The following SFPQ variants were observed in gnomAD, a reference collection of about 807,000 sequenced individuals.
SFPQ encodes the protein splicing factor, proline- and glutamine-rich.
SFPQ carries 11 observed loss-of-function variants against 72.9 expected under a neutral mutation model. The observed-to-expected ratio is 0.15, with a 90% CI of 0.09 to 0.25. SFPQ has a LOEUF of 0.25. Among genes scored for constraint, SFPQ ranks in the 10% least tolerant of loss-of-function variants. The probability of loss-of-function intolerance (pLI) is 1.00; values close to 1 mark genes in which losing one functional copy is unlikely to be tolerated. For synonymous variants in SFPQ, 506 were observed against 367.3 expected (o/e 1.38, Z -4.32); for missense variants, 847 against 993.3 (o/e 0.85, Z 1.98).
chr1:35,184,135 T>C lies in SFPQ; in HGVS notation c.*321A>G, dbSNP rs1639597946. On this transcript the variant is annotated 3_prime_UTR_variant, in exon 10 of 10. Coordinates refer to ENST00000357214, the MANE Select transcript of SFPQ (RefSeq NM_005066.3). ...AAGATCAATATTATAACTATTTTTC[T>C]ATTTATTTGAAGCACAGTAAAAAAA... 2 of 1,141,920 alleles carry C rather than the reference T, an allele frequency of 1.8e-6. No homozygotes were observed. Among genetic ancestry groups the C allele is most frequent in the Middle Eastern group, 3.6e-4 (1 of 2,742 alleles). The allele number at this position is 1,141,920 out of a possible 1,614,324, so 70.7% of individuals were successfully genotyped here.
At chr1:35,188,599 T>C (rs2148620348) in intron 6 of SFPQ, among the ~76,000 whole-genome samples, 1 of 151,346 alleles carries the variant, frequency 6.6e-6, no homozygotes, top group African/African-American at 2.4e-5. Context: ...AGCTGAGGAG[T>C]TTGAGACTGC....
At chr1:35,184,731 A>C in intron 9 of SFPQ, 138 bp from the exon 10 acceptor site, 1 of 1,222,118 alleles carries the variant, frequency 8.2e-7, no homozygotes, top group Non-Finnish European at 1.1e-6. Flanking sequence ...GGGAACATAG[A>C]AAGGAAAAAA....
At chr1:35,178,778 A>G (rs549615196), downstream of SFPQ, 134 of 1,053,510 alleles carry the variant, frequency 1.3e-4, 2 homozygotes, top group South Asian at 4.9e-3. Context: ...ATGAAGTAAG[A>G]GTTCCCTGTT....
rs190718676 is a variant in SFPQ, at chr1:35,176,743, G to A, written c.*106-272C>T. On this transcript the variant is annotated intron_variant and NMD_transcript_variant, in intron 5 of 5. Transcript: ENST00000460428. ...AAAAAATTAGCCAGGCGTGTGTGGC[G>A]GGCGCCTGCAGTCCCAGCTACTCGG... Among the ~76,000 whole-genome samples the A allele has an allele frequency of 3.7e-3, 557 of 151,852 alleles. 2 individuals carry two copies. Among genetic ancestry groups the A allele is most frequent in the African/African-American group, 9.9e-3 (411 of 41,380 alleles).
chr1:35,188,147 A>C lies in SFPQ; in HGVS notation c.1698-57T>G, dbSNP rs564039570. On this transcript the variant is annotated intron_variant, in intron 6 of 9. Coordinates refer to ENST00000357214, the MANE Select transcript of SFPQ (RefSeq NM_005066.3). ...TGTTATCCACATCTTTTAGAATTCA[A>C]TGTGAAGAAACCTAGCAGTTGACCT... The C allele has an allele frequency of 2.5e-4, 332 of 1,316,344 alleles. 1 individual carries two copies. The highest frequency in any genetic ancestry group is 2.2e-3 in the Admixed American group (132 of 59,380). The allele number at this position is 1,316,344 out of a possible 1,614,324, so 81.5% of individuals were successfully genotyped here. A position where few individuals can be genotyped will look rare whatever the true frequency, so the allele number is the denominator to read the frequency against.
chr1:35,189,126 T>C, intron 5 of SFPQ, 39 bp from the exon 6 acceptor site: 1 of 1,613,296 alleles, frequency 6.2e-7, no homozygotes, highest in South Asian at 1.1e-5. Context: ...ATTAACAAGG[T>C]TCTAATAAGG....
Position 35,192,718 on chromosome 1 carries a change from A to G in SFPQ, c.332T>C (p.Val111Ala), listed in dbSNP as rs374965916. 1.2e-4 allele frequency: 180 copies of G among 1,475,184 alleles called. No individual in the cohort carries two copies. The Middle Eastern group carries it at 1.5e-3, about 12-fold the overall frequency. The allele number at this position is 1,475,184 out of a possible 1,614,324, so 91.4% of individuals were successfully genotyped here. A position where few individuals can be genotyped will look rare whatever the true frequency, so the allele number is the denominator to read the frequency against. ...PPPQDSSKPVVAQGPGPAPGV... is the reference protein window; with the variant it reads ...PPPQDSSKPVAAQGPGPAPGV... Reference sequence around the variant, plus strand: ...GGGAGCGGGGCCGGGTCCCTGAGCAACGACGGGCTTGGAAGAGTCCTGCGG... The same window carrying G: ...GGGAGCGGGGCCGGGTCCCTGAGCAGCGACGGGCTTGGAAGAGTCCTGCGG... Residue 111 changes from valine (V) to alanine (A), a missense_variant, in exon 1 of 10, where the codon GTT becomes GCT. Around this residue, in one of 6 missense-constraint regions of SFPQ, gnomAD observed 498 missense variants for 405.1 expected, o/e 1.23. Transcript: ENST00000357214.
chr1:35,189,416 T>C (rs776934501), intron 4 of SFPQ, 34 bp from the exon 5 acceptor site: 54 of 1,491,584 alleles, frequency 3.6e-5, no homozygotes, highest in Non-Finnish European at 4.8e-5. Flanking sequence ...ATGAACCGAT[T>C]TGTGAATGCA....
At chr1:35,192,094 C>T (rs1051929015) in intron 1 of SFPQ, 128 bp downstream of exon 1, 3 of 737,602 alleles carry the variant, frequency 4.1e-6, no homozygotes, top group Non-Finnish European at 5.5e-6. Flanking sequence ...CCGCCCCGCC[C>T]CCGCAGCGGC....
chr1:35,178,190 T>TG (rs532332816), downstream of SFPQ: 66 of 1,067,942 alleles, frequency 6.2e-5, 1 homozygote, highest in East Asian at 2.3e-3. Flanking sequence ...AACTTCATGG[T>TG]GGGGGGGAAA....
chr1:35,178,922 T>C, downstream of SFPQ: 1 of 1,053,414 alleles, frequency 9.5e-7, no homozygotes, highest in African/African-American at 1.7e-5. Flanking sequence ...AGCACTGGTG[T>C]TCAAAAGCAA....
In SFPQ at chr1:35,183,849, A is replaced by G; in HGVS notation, c.*607T>C. 1 of 1,055,226 alleles carries G rather than the reference A, an allele frequency of 9.5e-7. No individual in the cohort carries two copies. The highest frequency in any genetic ancestry group is 1.1e-6 in the Non-Finnish European group (1 of 872,816). The allele number at this position is 1,055,226 out of a possible 1,614,324, so 65.4% of individuals were successfully genotyped here. A position where few individuals can be genotyped will look rare whatever the true frequency, so the allele number is the denominator to read the frequency against. On this transcript the variant is annotated 3_prime_UTR_variant, in exon 10 of 10. Coordinates refer to ENST00000357214, the MANE Select transcript of SFPQ (RefSeq NM_005066.3). ...TCTTAATACATATTCCTGAAGATTT[A>G]CAGTTCAGCTTTGCTTACATAACCA...
rs781387503 is a variant in SFPQ, at chr1:35,190,609, G to A, written c.1320-16C>T. 1 of 1,609,392 alleles carries A rather than the reference G, an allele frequency of 6.2e-7. No homozygotes were observed. Among genetic ancestry groups the A allele is most frequent in the African/African-American group, 1.3e-5 (1 of 74,766 alleles). On this transcript the variant is annotated splice_polypyrimidine_tract_variant and intron_variant, in intron 3 of 9. Coordinates refer to ENST00000357214, the MANE Select transcript of SFPQ (RefSeq NM_005066.3). ...ACGAGGAGTTCTAATAACAAAAATG[G>A]TTCCATCTTAGCTTTGTTCCAGTTT...
Position 35,192,832 on chromosome 1 carries a change from G to T in SFPQ, c.218C>A (p.Pro73Gln). ...CTGCTGCGGCGGTGGCTGCTGCGGTGGTGGCTGTTGCTGCTGTTGGTGTGG... is the reference window on the plus strand; with the variant it reads ...CTGCTGCGGCGGTGGCTGCTGCGGTTGTGGCTGTTGCTGCTGTTGGTGTGG... Reference protein sequence around the residue: ...PPPHQQQQQPPPQQPPPQQPP... With the variant: ...PPPHQQQQQPQPQQPPPQQPP... The change falls in exon 1 of 10, where the codon CCA becomes CAA. Residue 73 changes from proline (P) to glutamine (Q), a missense_variant. Transcript: ENST00000357214. 1 of 1,520,036 alleles carries T rather than the reference G, an allele frequency of 6.6e-7. No homozygotes were observed. The highest frequency in any genetic ancestry group is 8.8e-7 in the Non-Finnish European group (1 of 1,141,004). 94.2% of individuals were successfully genotyped at this position (1,520,036 alleles called of 1,614,324 possible).
downstream of SFPQ, chr1:35,182,466 T>C (rs1639510096): frequency 1.6e-5 from 16 of 984,986 alleles, no homozygotes; most frequent in Non-Finnish European, 1.8e-5. Flanking sequence ...TAGCACACCA[T>C]GTACCTGTCA....
rs774948243 is a variant in SFPQ at position 35,190,536 on chromosome 1, A to G, written c.1377T>C (p.Leu459=). ...GATTCTTCTGGGCAAGTTTTTCAGG[A>G]AGACCATCTTCATCATCTAGTTGTT... ...PLEQLDDEDG[L]PEKLAQKNPM... Residue 459 remains leucine, a synonymous_variant, in exon 4 of 10, where the codon CTT becomes CTC. Transcript: ENST00000357214. 5 of 1,613,902 alleles carry G rather than the reference A, an allele frequency of 3.1e-6. No individual in the cohort carries two copies. In the Admixed American group the frequency reaches 5.0e-5, roughly 16 times the overall value.
At chr1:35,177,919 A>C (rs72908963) in intron 4 of SFPQ, 13 of 658,422 alleles carry the variant, frequency 2.0e-5, no homozygotes, top group Non-Finnish European at 2.7e-5. Flanking sequence ...TTCACTCCAC[A>C]TATCTAAATG....
chr1:35,181,858 ATTTGAG>A (rs1379930008), downstream of SFPQ: 4 of 985,016 alleles, frequency 4.1e-6, no homozygotes, highest in African/African-American at 1.7e-5. Flanking sequence ...TTGAAAGTCT[ATTTGAG>A]TAAGCTTACA....
At chr1:35,191,684 T>C (rs12040069) in intron 1 of SFPQ, among the ~76,000 whole-genome samples, 155 bp from the exon 2 acceptor site, 34,992 of 152,080 alleles carry the variant, frequency 0.23, 8,596 homozygotes, top group East Asian at 0.68. Context: ...ACATGAGCAC[T>C]ATCTTAACAT....
Sources: gnomAD v4.1 joint callset for allele counts (sites outside exome capture counted in the v4.1 genomes callset) on GRCh38, gnomAD v4.1.1 for gene constraint, gnomAD v4.1.1 regional missense constraint, MANE v1.5 for transcripts, NCBI Gene and HGNC (gene_info 2026-07-23, HGNC 2026-07-21) for gene names.